ZNF407: variants seen among roughly 807,000 people sequenced by gnomAD.
ZNF407 encodes the protein zinc finger protein 407.
Under a neutral mutation model 131.2 loss-of-function variants are expected in ZNF407, and 17 were observed. That is an observed-to-expected ratio of 0.13 (90% confidence interval 0.09 to 0.19). ZNF407 has a LOEUF of 0.19. Ranked by LOEUF, ZNF407 falls within the 10% of genes least tolerant of loss-of-function variation. The pLI, the probability that ZNF407 is intolerant of heterozygous loss-of-function variation, is 1.00. For missense variants in ZNF407, 2,681 were observed against 2,830.6 expected (o/e 0.95, Z 1.20); for synonymous variants, 1,156 against 1,062.0 (o/e 1.09, Z -1.72).
At chr18:75,016,013 T>TC in intron 8 of ZNF407, among the ~76,000 whole-genome samples, 1 of 152,090 alleles carries the variant, frequency 6.6e-6, no homozygotes, top group Admixed American at 6.6e-5. Context: ...TTTTGTCAGC[T>TC]TAAAAAAATG....
At chr18:74,938,349 G>A (rs1038353124) in intron 8 of ZNF407, among the ~76,000 whole-genome samples, 1 of 152,146 alleles carries the variant, frequency 6.6e-6, no homozygotes, top group African/African-American at 2.4e-5. Context: ...TAGACTTTCT[G>A]TATCTGCTGC....
intron 8 of ZNF407, among the ~76,000 whole-genome samples, chr18:74,980,266 T>G (rs1228064078): frequency 6.6e-6 from 1 of 151,950 alleles, no homozygotes; most frequent in East Asian, 1.9e-4. Flanking sequence ...TTTTTTTTTT[T>G]TTTTTCTTTA....
At chr18:74,835,629 GGT>G (rs60463192) in intron 4 of ZNF407, among the ~76,000 whole-genome samples, 1,927 of 92,142 alleles carry the variant, frequency 0.021, 25 homozygotes, top group African/African-American at 0.062. Flanking sequence ...GACAGAGGGG[GGT>G]GTGTGTGTGT....
intron 3 of ZNF407, among the ~76,000 whole-genome samples, chr18:74,780,268 AT>A (rs2145025243): frequency 6.6e-6 from 1 of 152,210 alleles, no homozygotes; most frequent in East Asian, 1.9e-4. Flanking sequence ...ATTAAACAAA[AT>A]AAATTAGACA....
At chr18:74,908,699 G>T (rs182726553) in intron 7 of ZNF407, among the ~76,000 whole-genome samples, 1 of 152,022 alleles carries the variant, frequency 6.6e-6, no homozygotes, top group Admixed American at 6.6e-5. Context: ...TTTCCTTATG[G>T]GTCCTTTAGT....
chr18:74,779,088 C>CATATATATATATATATATAT (rs1555687129), intron 3 of ZNF407, among the ~76,000 whole-genome samples: 1 of 19,228 alleles, frequency 5.2e-5, no homozygotes, highest in African/African-American at 1.0e-4. Flanking sequence ...TCATGCTTGG[C>CATATATATATATATATATAT]ATATATATAT....
intron 3 of ZNF407, among the ~76,000 whole-genome samples, chr18:74,764,148 A>C (rs1395099636): frequency 6.6e-6 from 1 of 151,006 alleles, no homozygotes; most frequent in Non-Finnish European, 1.5e-5. Context: ...TATAGTCTTC[A>C]TTACACTTGG....
At chr18:74,939,513 G>A (rs140326535) in intron 8 of ZNF407, among the ~76,000 whole-genome samples, 2 of 152,112 alleles carry the variant, frequency 1.3e-5, no homozygotes, top group Admixed American at 6.5e-5. Context: ...TTAAAAGACG[G>A]ATCTGAATAG....
chr18:74,804,167 T>C (rs1970071459), intron 4 of ZNF407: 2 of 1,428,786 alleles, frequency 1.4e-6, no homozygotes, highest in Non-Finnish European at 1.8e-6. Context: ...ATCTGTGTAC[T>C]TCTTTGCATA....
intron 3 of ZNF407, among the ~76,000 whole-genome samples, chr18:74,733,177 A>G (rs915938402): frequency 1.5e-4 from 23 of 152,156 alleles, no homozygotes; most frequent in African/African-American, 5.3e-4. Flanking sequence ...GTTTTAAATT[A>G]CTGCATTAAA....
chr18:74,608,960 AT>A (rs371736215), intron 1 of ZNF407, among the ~76,000 whole-genome samples: 288 of 149,544 alleles, frequency 1.9e-3, no homozygotes, highest in African/African-American at 4.7e-3. Context: ...TTAATGACTC[AT>A]TTTTTTTTTG....
chr18:74,786,793 GTTTTTTTTTTTT>G (rs869103622), intron 4 of ZNF407, among the ~76,000 whole-genome samples: 13 of 89,346 alleles, frequency 1.5e-4, no homozygotes, highest in African/African-American at 5.4e-4. Flanking sequence ...AAAAAAGTAT[GTTTTTTTTTTTT>G]TTTTTTTTTT....
chr18:74,837,533 G>T (rs1295235305), intron 4 of ZNF407, among the ~76,000 whole-genome samples: 1 of 151,994 alleles, frequency 6.6e-6, no homozygotes, highest in Non-Finnish European at 1.5e-5. Context: ...TCATCAGGAT[G>T]CTAAGAGTAA....
chr18:74,615,321 A>G (rs1302610598), intron 1 of ZNF407, among the ~76,000 whole-genome samples: 6 of 152,240 alleles, frequency 3.9e-5, no homozygotes, highest in East Asian at 1.9e-4. Flanking sequence ...CCTGGCCAAC[A>G]TAGTGAAACT....
chr18:74,671,004 C>T (rs1008041510), intron 3 of ZNF407, among the ~76,000 whole-genome samples: 6 of 152,190 alleles, frequency 3.9e-5, no homozygotes, highest in African/African-American at 1.2e-4. Flanking sequence ...GCACTAAGTA[C>T]GTTCCCATTA....
At chr18:75,030,929 G>A (rs764884079) in intron 8 of ZNF407, among the ~76,000 whole-genome samples, 2 of 152,130 alleles carry the variant, frequency 1.3e-5, no homozygotes, top group African/African-American at 4.8e-5. Flanking sequence ...TTTCTACACC[G>A]AGTCCCACTA....
At chr18:75,012,639 C>T (rs17056161) in intron 8 of ZNF407, among the ~76,000 whole-genome samples, 27,747 of 151,288 alleles carry the variant, frequency 0.18, 2,688 homozygotes, top group Middle Eastern at 0.33. Context: ...CAACCCATCA[C>T]GCACCTTGGT....
intron 3 of ZNF407, among the ~76,000 whole-genome samples, chr18:74,649,322 C>A (rs1462733420): frequency 6.6e-6 from 1 of 152,164 alleles, no homozygotes; most frequent in Non-Finnish European, 1.5e-5. Context: ...CTTATAAAAT[C>A]TGGCTAAATG....
rs771868192 is a variant in ZNF407 at position 74,631,047 on chromosome 18, AATG to A, written c.33_35del (p.Asp11del). 8.1e-6 allele frequency: 13 copies of A among 1,610,964 alleles called. No individual in the cohort carries two copies. In the African/African-American group the frequency reaches 1.5e-4, roughly 18 times the overall value. On this transcript the variant is annotated inframe_deletion, in exon 2 of 9. Coordinates refer to ENST00000299687, the MANE Select transcript of ZNF407 (RefSeq NM_017757.3). ...GATGGATAGTGAGAATAAACCCGAA[AATG>A]ATGAGGATGAAAAGATAAACAAAGA...
Sources: allele counts gnomAD v4.1 joint callset (sites outside exome capture counted in the v4.1 genomes callset), GRCh38; gene constraint gnomAD v4.1.1; transcripts MANE v1.5; gene names NCBI Gene and HGNC (gene_info 2026-07-23, HGNC 2026-07-21).